The following NLGN4X variants were observed in gnomAD, a reference collection of about 807,000 sequenced individuals.
NLGN4X encodes neuroligin 4 X-linked, also known as neuroligin-4, X-linked.
NLGN4X carries 3 observed loss-of-function variants against 40.3 expected under a neutral mutation model. The observed-to-expected ratio is 0.07, with a 90% CI of 0.03 to 0.19. NLGN4X has a LOEUF of 0.19. NLGN4X is among the 10% of genes least tolerant of loss of function. NLGN4X has a pLI of 1.00. For synonymous variants in NLGN4X, 270 were observed against 306.8 expected (o/e 0.88, Z 1.25); for missense variants, 382 against 708.3 (o/e 0.54, Z 5.23).
At chrX:6,161,377 T>A (rs185836049) in intron 1 of NLGN4X, among the ~76,000 whole-genome samples, 845 of 62,697 alleles carry the variant, frequency 0.013, no homozygotes, top group Middle Eastern at 0.067. Flanking sequence ...TTATTCTATA[T>A]ATAATATAGG....
chrX:5,990,760 C>A (rs1414715936), intron 3 of NLGN4X, among the ~76,000 whole-genome samples: 1 of 110,886 alleles, frequency 9.0e-6, no homozygotes, highest in Non-Finnish European at 1.9e-5. Context: ...ATGCTAAGTA[C>A]GATAGGTGGA....
chrX:5,966,918 T>C (rs1035093130), intron 3 of NLGN4X, among the ~76,000 whole-genome samples: 4 of 112,364 alleles, frequency 3.6e-5, no homozygotes, highest in Admixed American at 9.5e-5. Context: ...TAACCAAACC[T>C]ACACCAGATA....
At chrX:6,189,184 G>A (rs975718112) in intron 1 of NLGN4X, among the ~76,000 whole-genome samples, 4 of 112,198 alleles carry the variant, frequency 3.6e-5, no homozygotes, top group South Asian at 3.7e-4. Context: ...GTGTCTCCAC[G>A]AAATCCTCCA....
intron 2 of NLGN4X, among the ~76,000 whole-genome samples, chrX:6,130,525 T>C (rs904998983): frequency 1.8e-5 from 2 of 112,671 alleles, no homozygotes; most frequent in Non-Finnish European, 3.7e-5. Flanking sequence ...CAATAAATCA[T>C]AGAAGGCCCA....
intron 1 of NLGN4X, among the ~76,000 whole-genome samples, chrX:6,195,311 A>C (rs986477267): frequency 8.0e-5 from 9 of 111,923 alleles, no homozygotes; most frequent in African/African-American, 2.9e-4. Flanking sequence ...GCCCAACACC[A>C]CAGAACTATA....
chrX:5,955,374 GTTTTA>G (rs1018761084), intron 3 of NLGN4X, among the ~76,000 whole-genome samples: 8 of 111,931 alleles, frequency 7.1e-5, no homozygotes, highest in Non-Finnish European at 1.3e-4. Context: ...GAAAGCTTTC[GTTTTA>G]TTTAAAACGT....
intron 2 of NLGN4X, among the ~76,000 whole-genome samples, chrX:6,096,181 T>C (rs1181191084): frequency 2.7e-5 from 3 of 111,767 alleles, no homozygotes; most frequent in Non-Finnish European, 5.6e-5. Context: ...CTTGGAGAGC[T>C]AGGGGGATGC....
rs763243806 is a variant in NLGN4X at position 5,893,228 on chromosome X, G to A, written c.2040C>T (p.Ala680=). Residue 680 remains alanine (A), a synonymous_variant, in exon 6 of 6, where the codon GCC becomes GCT. Coordinates refer to ENST00000381095, the MANE Select transcript of NLGN4X (RefSeq NM_181332.3). ...TGAGGAAGAGGAGCGACGCCCCGAC[G>A]GCAATGGTGACACTTAATTCGGTGG... ...DYSTELSVTI[A]VGASLLFLNI... is the part of the protein sequence containing the mutation. The A allele has an allele frequency of 1.1e-5, 13 of 1,211,285 alleles. No individual in the cohort carries two copies. The East Asian group carries it at 1.5e-4, about 14-fold the overall frequency.
intron 2 of NLGN4X, among the ~76,000 whole-genome samples, chrX:6,036,766 G>C (rs1374832704): frequency 9.0e-6 from 1 of 110,733 alleles, no homozygotes; most frequent in Admixed American, 9.7e-5. Context: ...AAACCTCTGT[G>C]CAGAACTGGC....
At chrX:5,930,929 T>C (rs767573389) in intron 3 of NLGN4X, among the ~76,000 whole-genome samples, 34 of 112,226 alleles carry the variant, frequency 3.0e-4, no homozygotes, top group Admixed American at 7.6e-4. Flanking sequence ...CTGGATCCTA[T>C]TGATTTACCC....
At chrX:6,093,331 C>T (rs1175188250) in intron 2 of NLGN4X, among the ~76,000 whole-genome samples, 1 of 111,859 alleles carries the variant, frequency 8.9e-6, no homozygotes, top group Non-Finnish European at 1.9e-5. Context: ...ATAATAATAG[C>T]CTGTAACTAG....
intron 3 of NLGN4X, among the ~76,000 whole-genome samples, chrX:6,008,712 A>G (rs1486332268): frequency 8.9e-6 from 1 of 111,926 alleles, no homozygotes; most frequent in East Asian, 2.8e-4. Flanking sequence ...GATCATTTAA[A>G]CTATTTTTTG....
chrX:6,103,290 G>A (rs1459214924), intron 2 of NLGN4X, among the ~76,000 whole-genome samples: 3 of 111,883 alleles, frequency 2.7e-5, no homozygotes, highest in Non-Finnish European at 5.6e-5. Flanking sequence ...ACTCACTCAT[G>A]TGCCTTTTGT....
chrX:6,207,593 C>A (rs774871200), intron 1 of NLGN4X, among the ~76,000 whole-genome samples: 60 of 111,694 alleles, frequency 5.4e-4, no homozygotes, highest in African/African-American at 1.8e-3. Flanking sequence ...TAAATAAATG[C>A]ATATGGGAAA....
intron 2 of NLGN4X, among the ~76,000 whole-genome samples, chrX:6,047,138 C>T (rs927552620): frequency 9.0e-6 from 1 of 110,634 alleles, no homozygotes; most frequent in African/African-American, 3.3e-5. Flanking sequence ...AGAAAGATCA[C>T]TGAAGGTAGT....
chrX:6,176,692 T>C (rs1920958197), intron 1 of NLGN4X, among the ~76,000 whole-genome samples: 1 of 111,668 alleles, frequency 9.0e-6, no homozygotes. Flanking sequence ...CCAAGGAGAG[T>C]AAGAAGTCTC....
At chrX:5,977,377 T>G (rs903498984) in intron 3 of NLGN4X, among the ~76,000 whole-genome samples, 7 of 109,948 alleles carry the variant, frequency 6.4e-5, no homozygotes, top group Non-Finnish European at 1.3e-4. Context: ...CATATCACCA[T>G]GCCTGGCTAA....
chrX:6,031,774 T>C (rs2036863263), intron 2 of NLGN4X, among the ~76,000 whole-genome samples: 1 of 99,195 alleles, frequency 1.0e-5, no homozygotes, highest in Non-Finnish European at 2.0e-5. Context: ...CTTTTTTTGT[T>C]GCTTCTCCTC....
At chrX:5,990,960 CAAT>C (rs977120664) in intron 3 of NLGN4X, among the ~76,000 whole-genome samples, 15 of 111,489 alleles carry the variant, frequency 1.3e-4, no homozygotes, top group Non-Finnish European at 7.5e-5. Flanking sequence ...GCAAGCTGTA[CAAT>C]AATACCAGCA....
Sources: allele counts gnomAD v4.1 joint callset (sites outside exome capture counted in the v4.1 genomes callset), GRCh38; gene constraint gnomAD v4.1.1; transcripts MANE v1.5; gene names NCBI Gene and HGNC (gene_info 2026-07-23, HGNC 2026-07-21).